VGLL4: variants seen among roughly 807,000 people sequenced by gnomAD.
The protein encoded by VGLL4 is transcription cofactor vestigial-like protein 4.
In VGLL4, 7 loss-of-function variants were observed where a neutral mutation model predicts 21.0. The observed-to-expected ratio is 0.33, with a 90% CI of 0.19 to 0.63. The LOEUF (loss-of-function observed/expected upper bound fraction) is 0.63. Ranked by LOEUF, VGLL4 falls within the 20% of genes least tolerant of loss-of-function variation. The pLI is 0.78. For missense variants in VGLL4, 394 were observed against 425.7 expected (o/e 0.93, Z 0.66); for synonymous variants, 222 against 173.2 (o/e 1.28, Z -2.21).
intron 1 of VGLL4, 100 bp from the exon 2 acceptor site, chr3:11,602,122 T>C (rs2074820052): frequency 8.2e-7 from 1 of 1,213,738 alleles, no homozygotes; most frequent in Non-Finnish European, 1.1e-6. Context: ...ACAAAACTAC[T>C]CCCAGTGGAA....
intron 2 of VGLL4, among the ~76,000 whole-genome samples, chr3:11,654,864 T>C (rs949477169): frequency 6.6e-6 from 1 of 152,218 alleles, no homozygotes; most frequent in Non-Finnish European, 1.5e-5. Context: ...CACAACTATA[T>C]TTAGTAACAT....
chr3:11,561,431 G>A (rs1248297202), intron 3 of VGLL4, among the ~76,000 whole-genome samples: 1 of 152,122 alleles, frequency 6.6e-6, no homozygotes, highest in Non-Finnish European at 1.5e-5. Flanking sequence ...TGCCTTAACC[G>A]GTCACCTGCA....
In VGLL4 at chr3:11,556,985, C is replaced by T. The variant is rs1276590596; in HGVS notation, c.*1571G>A. The T allele has an allele frequency of 6.6e-6, 1 of 152,606 alleles. No homozygotes were observed. The highest frequency in any genetic ancestry group is 1.9e-4 in the East Asian group (1 of 5,322). The allele number at this position is 152,606 out of a possible 1,614,324, so 9.5% of individuals were successfully genotyped here. ...CCCAGTGCCAATTTCCAAAATTCAA[C>T]AGCTAAAAACTGTAAAACCGGGGGT... On this transcript the variant is annotated 3_prime_UTR_variant, in exon 5 of 5. Transcript: ENST00000430365.
chr3:11,583,995 C>T (rs1020901057), intron 2 of VGLL4, among the ~76,000 whole-genome samples: 5 of 152,210 alleles, frequency 3.3e-5, no homozygotes, highest in Admixed American at 1.3e-4. Flanking sequence ...TCAAGACACA[C>T]CCAGGCCAGG....
intron 1 of VGLL4, among the ~76,000 whole-genome samples, chr3:11,717,104 T>C (rs979606261): frequency 1.3e-5 from 2 of 151,826 alleles, no homozygotes; most frequent in African/African-American, 4.8e-5. Flanking sequence ...GCCTTCTTGT[T>C]TGAGCTCTCA....
intron 3 of VGLL4, among the ~76,000 whole-genome samples, chr3:11,562,210 G>A (rs535088121): frequency 6.6e-6 from 1 of 152,182 alleles, no homozygotes; most frequent in Admixed American, 6.5e-5. Context: ...AATGTGCGAA[G>A]CTTAACCCCA....
chr3:11,621,039 T>A (rs1345825160), intron 1 of VGLL4, among the ~76,000 whole-genome samples: 1 of 152,184 alleles, frequency 6.6e-6, no homozygotes, highest in African/African-American at 2.4e-5. Context: ...ATTAGTAAGA[T>A]TTATAATTGA....
intron 2 of VGLL4, among the ~76,000 whole-genome samples, chr3:11,699,224 T>C (rs2076646688): frequency 6.6e-6 from 1 of 152,232 alleles, no homozygotes; most frequent in Non-Finnish European, 1.5e-5. Context: ...TGTTCAACTT[T>C]GTCTATAAAT....
rs201123057 is a variant in VGLL4 at position 11,702,030 on chromosome 3, A to AT, written c.64+940dup. On this transcript the variant is annotated intron_variant, in intron 2 of 5. Coordinates refer to the VGLL4 transcript ENST00000273038. ...CATCCCTCAAACTACACTAATGAAC[A>AT]TTTTTTTTCTCCCAGTATTTGCTCT... 9.2e-5 allele frequency among the ~76,000 whole-genome samples: 14 copies of AT among 151,944 alleles called. No homozygotes were observed. The South Asian group carries it at 1.2e-3, about 14-fold the overall frequency.
intron 2 of VGLL4, among the ~76,000 whole-genome samples, chr3:11,658,262 T>A (rs566580644): frequency 6.6e-6 from 1 of 152,054 alleles, no homozygotes; most frequent in South Asian, 2.1e-4. Flanking sequence ...GGGAGAGAAA[T>A]GAGCAAATAC....
At chr3:11,578,849 A>C (rs1023445382) in intron 2 of VGLL4, among the ~76,000 whole-genome samples, 1 of 141,950 alleles carries the variant, frequency 7.0e-6, no homozygotes, top group Non-Finnish European at 1.5e-5. Context: ...TCCCAGGTTC[A>C]CGCCATTCTC....
intron 3 of VGLL4, 132 bp from the exon 4 acceptor site, chr3:11,559,587 A>C: frequency 3.8e-6 from 5 of 1,320,006 alleles, no homozygotes; most frequent in East Asian, 5.5e-5. Flanking sequence ...TCCCACTTCA[A>C]TACTGGAGTC....
At chr3:11,698,413 G>A (rs567094061) in intron 2 of VGLL4, among the ~76,000 whole-genome samples, 25 of 152,296 alleles carry the variant, frequency 1.6e-4, no homozygotes, top group Non-Finnish European at 1.8e-4. Flanking sequence ...GGAGGCTAAG[G>A]CACAAGAATC....
chr3:11,629,495 A>G (rs112381332), intron 1 of VGLL4, among the ~76,000 whole-genome samples: 3,250 of 152,180 alleles, frequency 0.021, 99 homozygotes, highest in African/African-American at 0.072. Context: ...GGGGGCTCAC[A>G]CCTGTAATCC....
intron 2 of VGLL4, among the ~76,000 whole-genome samples, chr3:11,685,091 T>C (rs1027842029): frequency 1.3e-5 from 2 of 152,194 alleles, no homozygotes; most frequent in Non-Finnish European, 2.9e-5. Context: ...TATTTGGTTT[T>C]TTGTTCCTGC....
At chr3:11,657,351 G>A (rs9860551) in intron 2 of VGLL4, among the ~76,000 whole-genome samples, 21,580 of 152,150 alleles carry the variant, frequency 0.14, 1,728 homozygotes, top group African/African-American at 0.21. Context: ...AGGAGGGTTG[G>A]CTCCTGGGTT....
chr3:11,713,832 A>G (rs1209388752), intron 1 of VGLL4, among the ~76,000 whole-genome samples: 2 of 151,932 alleles, frequency 1.3e-5, no homozygotes, highest in African/African-American at 4.8e-5. Flanking sequence ...TGAGACCCCC[A>G]TTAACTCAGA....
At chr3:11,716,902 T>C (rs2076926131) in intron 1 of VGLL4, among the ~76,000 whole-genome samples, 1 of 152,260 alleles carries the variant, frequency 6.6e-6, no homozygotes, top group African/African-American at 2.4e-5. Flanking sequence ...TCATTAACTT[T>C]AGGTGAGTTC....
chr3:11,582,332 C>T (rs1366386397), intron 2 of VGLL4: 4 of 1,593,226 alleles, frequency 2.5e-6, no homozygotes, highest in Non-Finnish European at 3.4e-6. Flanking sequence ...CCAGCGTCCT[C>T]CCACAAGAAA....
Sources: gnomAD v4.1 joint callset for allele counts (sites outside exome capture counted in the v4.1 genomes callset) on GRCh38, gnomAD v4.1.1 for gene constraint, MANE v1.5 for transcripts, NCBI Gene and HGNC (gene_info 2026-07-23, HGNC 2026-07-21) for gene names.